C11orf65: variants seen among roughly 807,000 people sequenced by gnomAD.
C11orf65 encodes the protein protein MFI.
A neutral mutation model predicts 35.3 loss-of-function variants in C11orf65; 38 were observed. The observed-to-expected ratio is 1.08, with a 90% CI of 0.83 to 1.41. C11orf65 has a LOEUF of 1.41. C11orf65 is among the 40% of genes most tolerant of loss of function. The pLI, the probability that C11orf65 is intolerant of heterozygous loss-of-function variation, is 0.00. For missense variants in C11orf65, 370 were observed against 367.1 expected (o/e 1.01, Z -0.06); for synonymous variants, 105 against 114.4 (o/e 0.92, Z 0.53).
chr11:108,400,562 T>C (rs1417833924), intron 6 of C11orf65, among the ~76,000 whole-genome samples: 3 of 152,146 alleles, frequency 2.0e-5, no homozygotes, highest in Non-Finnish European at 2.9e-5. Flanking sequence ...TCCTGTTGCT[T>C]AGTGATTGGG....
At chr11:108,363,462 A>G (rs2091023411) in intron 2 of C11orf65, among the ~76,000 whole-genome samples, 1 of 152,130 alleles carries the variant, frequency 6.6e-6, no homozygotes, top group South Asian at 2.1e-4. Context: ...CCTCTAACTC[A>G]GTGATGCTTA....
At chr11:108,340,178 T>C (rs1443338325) in intron 2 of C11orf65, 3 of 152,218 alleles carry the variant, frequency 2.0e-5, no homozygotes, top group African/African-American at 4.8e-5. Context: ...TTTATTATTA[T>C]GGAAAATTTC....
At chr11:108,371,851 A>C (rs913416520) in intron 2 of C11orf65, among the ~76,000 whole-genome samples, 2 of 152,210 alleles carry the variant, frequency 1.3e-5, no homozygotes, top group African/African-American at 4.8e-5. Flanking sequence ...CTCCACCATC[A>C]GTGCACAAGG....
chr11:108,439,738 A>G (rs2093120474), intron 2 of C11orf65, among the ~76,000 whole-genome samples: 1 of 152,168 alleles, frequency 6.6e-6, no homozygotes, highest in Non-Finnish European at 1.5e-5. Flanking sequence ...AGATAAATCC[A>G]CTTAAATGAG....
intron 2 of C11orf65, among the ~76,000 whole-genome samples, chr11:108,442,410 T>C (rs1293113842): frequency 6.6e-6 from 1 of 152,310 alleles, no homozygotes; most frequent in Middle Eastern, 3.4e-3. Context: ...TTAAGAATAC[T>C]ATCCAGGAGA....
intron 6 of C11orf65, among the ~76,000 whole-genome samples, chr11:108,397,199 T>C (rs2138500125): frequency 6.6e-6 from 1 of 151,578 alleles, no homozygotes; most frequent in South Asian, 2.1e-4. Flanking sequence ...CATGTAGCTA[T>C]AGTCCCAGGC....
chr11:108,437,109 A>AGG lies in C11orf65; in HGVS notation c.82-5272_82-5271insCC, dbSNP rs1401745662. Reference sequence around the variant, plus strand: ...CCCATTACGACAAAAAAAAAAAAAAAAGGGGGGGGGTGGACAAAATTTTAA... The same window carrying AGG: ...CCCATTACGACAAAAAAAAAAAAAAAGGAGGGGGGGGGTGGACAAAATTTTAA... On this transcript the variant is annotated intron_variant, in intron 2 of 8. Coordinates refer to ENST00000393084, the MANE Select transcript of C11orf65 (RefSeq NM_152587.5). Among the ~76,000 whole-genome samples the AGG allele has an allele frequency of 3.5e-3, 343 of 97,680 alleles. 3 individuals are homozygous for AGG. Among genetic ancestry groups the AGG allele is most frequent in the African/African-American group, 9.2e-3 (264 of 28,748 alleles). 64.1% of individuals were successfully genotyped at this position (97,680 alleles called of 152,430 possible).
chr11:108,317,981 C>T (rs2084894191), intron 6 of C11orf65, among the ~76,000 whole-genome samples: 1 of 152,108 alleles, frequency 6.6e-6, no homozygotes, highest in African/African-American at 2.4e-5. Flanking sequence ...CTGCTACAAA[C>T]ATTTTAGTCA....
chr11:108,395,020 A>G (rs1306860978), intron 6 of C11orf65, among the ~76,000 whole-genome samples: 1 of 152,108 alleles, frequency 6.6e-6, no homozygotes. Context: ...AGTCCCAGCT[A>G]CTGGGGAGGC....
chr11:108,404,932 G>A (rs1001368941), intron 6 of C11orf65, among the ~76,000 whole-genome samples: 8 of 152,150 alleles, frequency 5.3e-5, no homozygotes, highest in Admixed American at 4.6e-4. Flanking sequence ...AGGCCTGAGG[G>A]TTTTCACATG....
Position 108,352,481 on chromosome 11 carries a change from G to GA in C11orf65, c.227-17190dup, listed in dbSNP as rs765935525. Among the ~76,000 whole-genome samples the GA allele has an allele frequency of 3.2e-4, 49 of 152,276 alleles. 1 individual carries two copies. The highest frequency in any genetic ancestry group is 6.3e-4 in the Non-Finnish European group (43 of 68,020). On this transcript the variant is annotated intron_variant, in intron 2 of 3. Transcript: ENST00000524755. Reference sequence around the variant, plus strand: ...TTACCCAAGCTGAGCAACAGAGGAAGAAAATTAAGAGGAAACCTTCAGCAT... The same window carrying GA: ...TTACCCAAGCTGAGCAACAGAGGAAGAAAAATTAAGAGGAAACCTTCAGCAT...
intron 6 of C11orf65, among the ~76,000 whole-genome samples, chr11:108,402,971 C>T (rs924647810): frequency 6.6e-6 from 1 of 150,878 alleles, no homozygotes; most frequent in African/African-American, 2.4e-5. Context: ...ACTTGCTTAT[C>T]CATTCACCTG....
intron 2 of C11orf65, among the ~76,000 whole-genome samples, chr11:108,371,138 A>C (rs75889997): frequency 0.059 from 8,949 of 152,234 alleles, 854 homozygotes; most frequent in African/African-American, 0.2. Flanking sequence ...ACAGAAACAT[A>C]GGAGAGAAGT....
At position 108,404,980 on chromosome 11, in the gene C11orf65, C is replaced by G. The variant is rs183670939; in HGVS notation, c.560+449G>C. On this transcript the variant is annotated intron_variant, in intron 6 of 8. Transcript: ENST00000393084. ...GACCGGGCCGAAGGCGGCCTGGTCC[C>G]ATTAACTTTAGTTAAAAAGATTAAA... is the stretch of plus-strand genomic sequence containing the variant. Among the ~76,000 whole-genome samples the G allele has an allele frequency of 2.5e-3, 383 of 152,302 alleles. 2 individuals are homozygous for G. The highest frequency in any genetic ancestry group is 4.6e-3 in the Non-Finnish European group (313 of 68,022).
At chr11:108,359,364 A>C (rs1488034815) in intron 2 of C11orf65, among the ~76,000 whole-genome samples, 1 of 152,084 alleles carries the variant, frequency 6.6e-6, no homozygotes, top group African/African-American at 2.4e-5. Flanking sequence ...TTAACACCCC[A>C]CTGTCAACAT....
In C11orf65 at chr11:108,335,957, A is replaced by C. The variant is rs1591199410; in HGVS notation, c.227-665T>G. ...AAGAGGAAATTAACTATCTGTACTT[A>C]TAAGGTAACTATTTGTACTTCTGTT... is the stretch of plus-strand genomic sequence containing the variant. On this transcript the variant is annotated intron_variant, in intron 2 of 3. Transcript: ENST00000524755. 2 of 1,604,200 alleles carry C rather than the reference A, an allele frequency of 1.2e-6. No individual in the cohort carries two copies. Among genetic ancestry groups the C allele is most frequent in the Non-Finnish European group, 1.7e-6 (2 of 1,171,092 alleles).
rs3218694 is a variant in C11orf65 at position 108,310,387 on chromosome 11, A to G, written c.641-1316T>C. The G allele has an allele frequency of 4.6e-3, 6,498 of 1,427,028 alleles. 29 individuals carry two copies. Among genetic ancestry groups the G allele is most frequent in the Non-Finnish European group, 5.7e-3 (5,917 of 1,030,954 alleles). 88.4% of individuals were successfully genotyped at this position (1,427,028 alleles called of 1,614,324 possible). On this transcript the variant is annotated intron_variant, in intron 6 of 6. Transcript: ENST00000525729. The stretch of plus-strand genomic sequence containing the variant: ...GTCTCAATAAGGGTATATAGTAAAG[A>G]TTTATTTTGCCTCCTGTTCCCCATT...
downstream of C11orf65, among the ~76,000 whole-genome samples, chr11:108,382,349 C>T (rs1057453089): frequency 1.3e-5 from 2 of 151,418 alleles, no homozygotes; most frequent in African/African-American, 2.4e-5. Flanking sequence ...GAAGGCAAAT[C>T]GTAGGCCCCA....
chr11:108,322,953 T>C (rs762194305), intron 6 of C11orf65, among the ~76,000 whole-genome samples: 49 of 151,972 alleles, frequency 3.2e-4, no homozygotes, highest in Non-Finnish European at 6.3e-4. Context: ...GTAAAGTGTT[T>C]TGGGTCCTCA....
Sources: gnomAD v4.1 joint callset for allele counts (sites outside exome capture counted in the v4.1 genomes callset) on GRCh38, gnomAD v4.1.1 for gene constraint, MANE v1.5 for transcripts, NCBI Gene and HGNC (gene_info 2026-07-23, HGNC 2026-07-21) for gene names.